Variants in PLA2G4E observed in about 807,000 individuals in gnomAD.
PLA2G4E encodes phospholipase A2 group IVE.
A neutral mutation model predicts 109.1 loss-of-function variants in PLA2G4E; 84 were observed. The ratio of observed to expected loss-of-function variants is 0.77; its 90% CI spans 0.65 to 0.92. The LOEUF (loss-of-function observed/expected upper bound fraction) is 0.92, where lower values mean the gene tolerates loss of function less well. PLA2G4E is among the 40% of genes least tolerant of loss of function. The probability of loss-of-function intolerance (pLI) is 0.00; values close to 1 mark genes in which losing one functional copy is unlikely to be tolerated. For missense variants in PLA2G4E, 1,057 were observed against 1,076.6 expected (o/e 0.98, Z 0.25); for synonymous variants, 469 against 436.1 (o/e 1.08, Z -0.94).
chr15:42,046,669 G>T (rs1207643347), intron 1 of PLA2G4E, among the ~76,000 whole-genome samples: 1 of 152,194 alleles, frequency 6.6e-6, no homozygotes, highest in Non-Finnish European at 1.5e-5. Context: ...GCTGGATCTT[G>T]TCTGACCTGC....
At chr15:42,047,998 G>A (rs965329452) in intron 1 of PLA2G4E, among the ~76,000 whole-genome samples, 1 of 152,178 alleles carries the variant, frequency 6.6e-6, no homozygotes, top group Admixed American at 6.5e-5. Flanking sequence ...CATAGATATG[G>A]TATAAATATT....
chr15:41,987,654 A>G (rs1377488550), intron 16 of PLA2G4E, among the ~76,000 whole-genome samples: 1 of 152,122 alleles, frequency 6.6e-6, no homozygotes, highest in African/African-American at 2.4e-5. Flanking sequence ...TGTGACTGCT[A>G]TAGACCCTAC....
At chr15:42,018,537 C>A (rs1016089983) in intron 1 of PLA2G4E, among the ~76,000 whole-genome samples, 1 of 152,124 alleles carries the variant, frequency 6.6e-6, no homozygotes, top group Non-Finnish European at 1.5e-5. Context: ...GGGTAAGGAC[C>A]AGGGAGCACT....
At chr15:42,038,147 G>A (rs180968681) in intron 1 of PLA2G4E, among the ~76,000 whole-genome samples, 12 of 152,278 alleles carry the variant, frequency 7.9e-5, no homozygotes, top group Admixed American at 7.8e-4. Context: ...TGAAATAAGA[G>A]ATACTTTTTA....
At chr15:42,019,083 A>G (rs2068623561) in intron 1 of PLA2G4E, among the ~76,000 whole-genome samples, 1 of 152,224 alleles carries the variant, frequency 6.6e-6, no homozygotes, top group African/African-American at 2.4e-5. Flanking sequence ...CATCTCAAAC[A>G]GGCTTACACT....
chr15:42,035,464 C>G (rs933977383), intron 1 of PLA2G4E, among the ~76,000 whole-genome samples: 2 of 152,054 alleles, frequency 1.3e-5, no homozygotes, highest in African/African-American at 4.8e-5. Context: ...CCCTCGTTCT[C>G]CTGCTGGGAA....
At chr15:41,992,310 G>A (rs1041162154) in intron 13 of PLA2G4E, among the ~76,000 whole-genome samples, 1 of 152,146 alleles carries the variant, frequency 6.6e-6, no homozygotes, top group African/African-American at 2.4e-5. Context: ...AGCTTTGGCT[G>A]GAGGACCCTC....
At chr15:41,991,301 C>T (rs924483129) in intron 13 of PLA2G4E, among the ~76,000 whole-genome samples, 4 of 152,162 alleles carry the variant, frequency 2.6e-5, no homozygotes, top group African/African-American at 7.2e-5. Context: ...TCGGAAGACT[C>T]GGTGCTTCCT....
At chr15:42,036,257 G>A (rs951695214) in intron 1 of PLA2G4E, among the ~76,000 whole-genome samples, 83 of 152,332 alleles carry the variant, frequency 5.4e-4, no homozygotes, top group Middle Eastern at 6.8e-3. Context: ...CGATGGGGCT[G>A]GGCCAGGTCG....
At chr15:42,001,353 G>T in intron 6 of PLA2G4E, 133 bp from the exon 7 acceptor site, 1 of 811,674 alleles carries the variant, frequency 1.2e-6, no homozygotes, top group Non-Finnish European at 2.0e-6. Context: ...GGGGAATGCA[G>T]AATGTGTTGA....
chr15:42,010,133 C>A (rs770151738), intron 2 of PLA2G4E: 1 of 435,494 alleles, frequency 2.3e-6, no homozygotes, highest in Non-Finnish European at 4.5e-6. Flanking sequence ...AGAACACTGG[C>A]CCCCCCACCC....
chr15:42,036,670 G>A (rs1285108457), intron 1 of PLA2G4E, among the ~76,000 whole-genome samples: 1 of 152,184 alleles, frequency 6.6e-6, no homozygotes, highest in African/African-American at 2.4e-5. Flanking sequence ...GCTCATAGCC[G>A]TGTCGCCCCT....
intron 2 of PLA2G4E, among the ~76,000 whole-genome samples, chr15:42,012,898 T>C (rs1436622537): frequency 2.0e-5 from 3 of 152,122 alleles, no homozygotes; most frequent in Admixed American, 6.5e-5. Flanking sequence ...GATATACAGC[T>C]TTTTCCCCCT....
At chr15:42,015,509 G>T (rs1281225537) in intron 1 of PLA2G4E, among the ~76,000 whole-genome samples, 3 of 152,236 alleles carry the variant, frequency 2.0e-5, no homozygotes, top group Non-Finnish European at 4.4e-5. Context: ...GTTGCTCTGA[G>T]AGTGCCAGCC....
chr15:41,989,643 A>C, intron 14 of PLA2G4E, 91 bp from the exon 15 acceptor site: 3 of 1,492,690 alleles, frequency 2.0e-6, no homozygotes, highest in Non-Finnish European at 2.7e-6. Flanking sequence ...CCACTGGCTC[A>C]GGCCTTGGAA....
chr15:41,989,730 A>G (rs963323211), intron 14 of PLA2G4E, among the ~76,000 whole-genome samples, 178 bp from the exon 15 acceptor site: 4 of 152,174 alleles, frequency 2.6e-5, no homozygotes, highest in Non-Finnish European at 5.9e-5. Flanking sequence ...TGGTGTAGCA[A>G]GGGTCAGCTT....
At chr15:42,034,867 T>C (rs981270089) in intron 1 of PLA2G4E, among the ~76,000 whole-genome samples, 48 of 152,218 alleles carry the variant, frequency 3.2e-4, no homozygotes, top group African/African-American at 1.1e-3. Flanking sequence ...CCCAGTTACA[T>C]GAGACAATAA....
intron 1 of PLA2G4E, among the ~76,000 whole-genome samples, chr15:42,026,804 C>T (rs1425504229): frequency 6.6e-6 from 1 of 151,970 alleles, no homozygotes; most frequent in African/African-American, 2.4e-5. Flanking sequence ...GAAACTCCAT[C>T]TCTACTAAAA....
chr15:42,032,065 C>T (rs1490276491), intron 1 of PLA2G4E, among the ~76,000 whole-genome samples: 1 of 152,096 alleles, frequency 6.6e-6, no homozygotes, highest in Non-Finnish European at 1.5e-5. Flanking sequence ...CCTCCCAACA[C>T]CTCCTTGCTT....
Sources: gnomAD v4.1 joint callset for allele counts (sites outside exome capture counted in the v4.1 genomes callset) on GRCh38, gnomAD v4.1.1 for gene constraint, MANE v1.5 for transcripts, NCBI Gene and HGNC (gene_info 2026-07-23, HGNC 2026-07-21) for gene names.